ALG12: variants seen among roughly 807,000 people sequenced by gnomAD.
The protein encoded by ALG12 is dol-P-Man:Man(7)GlcNAc(2)-PP-Dol alpha-1,6-mannosyltransferase.
Under a neutral mutation model 46.0 loss-of-function variants are expected in ALG12, and 36 were observed. The observed-to-expected ratio is 0.78, with a 90% CI of 0.60 to 1.03. ALG12 has a LOEUF of 1.03. ALG12 is among the 50% of genes least tolerant of loss of function. The pLI is 0.00. For missense variants in ALG12, 599 were observed against 633.5 expected, an observed-to-expected ratio of 0.95 and a Z score of 0.58; for synonymous variants, 326 against 291.6, an observed-to-expected ratio of 1.12 and a Z score of -1.20.
chr22:49,890,873 T>A, the ALG12 span, among the ~76,000 whole-genome samples: 7 of 152,022 alleles, frequency 4.6e-5, no homozygotes, highest in Non-Finnish European at 8.8e-5. Context: ...TACAAAAAAT[T>A]AGCTGGGCGT....
Position 49,900,821 on chromosome 22 carries a change from A to G in ALG12, c.*3017T>C, listed in dbSNP as rs6520064. On this transcript the variant is annotated 3_prime_UTR_variant, in exon 10 of 10. Coordinates refer to ENST00000330817, the MANE Select transcript of ALG12 (RefSeq NM_024105.4). ...ACACATATTACATATGTACGTGTGC[A>G]ACTGCACGCAGCATGCCTGTCCTCC... 0.36 allele frequency: 54,176 copies of G among 151,948 alleles called. 13,770 individuals are homozygous for G. The highest frequency in any genetic ancestry group is 0.73 in the African/African-American group (30,034 of 41,292). The allele number at this position is 151,948 out of a possible 1,614,324, so 9.4% of individuals were successfully genotyped here. A position where few individuals can be genotyped will look rare whatever the true frequency, so the allele number is the denominator to read the frequency against.
the ALG12 span, chr22:49,887,371 T>A: frequency 2.0e-6 from 1 of 505,888 alleles, no homozygotes; most frequent in East Asian, 3.0e-5. Flanking sequence ...GCGGGGTGTT[T>A]TATTAAGACG....
At chr22:49,908,741 C>T (rs139702490) in intron 6 of ALG12, among the ~76,000 whole-genome samples, 1,590 of 136,386 alleles carry the variant, frequency 0.012, 177 homozygotes, top group South Asian at 0.091. Flanking sequence ...CACCTGAGTT[C>T]AAGAGTTCAA....
At chr22:49,885,228 C>G in the ALG12 span, 1 of 1,612,796 alleles carries the variant, frequency 6.2e-7, no homozygotes, top group Non-Finnish European at 8.5e-7. Context: ...GTCTGGCAAA[C>G]TCTCCGTATG....
At chr22:49,865,388 G>C in the ALG12 span, among the ~76,000 whole-genome samples, 3 of 152,006 alleles carry the variant, frequency 2.0e-5, no homozygotes, top group Admixed American at 2.0e-4. Flanking sequence ...AGTGGCTCAC[G>C]CCTCTAATCC....
the ALG12 span, among the ~76,000 whole-genome samples, chr22:49,865,904 G>A: frequency 1.3e-5 from 2 of 150,664 alleles, no homozygotes; most frequent in Non-Finnish European, 3.0e-5. Flanking sequence ...AGAGCTGGGG[G>A]TCTCACTATA....
chr22:49,911,662 G>A (rs544932984), intron 3 of ALG12, among the ~76,000 whole-genome samples: 1 of 152,268 alleles, frequency 6.6e-6, no homozygotes, highest in African/African-American at 2.4e-5. Flanking sequence ...TCAAACTCCT[G>A]ACCTCAGGTG....
chr22:49,862,353 CCG>C, the ALG12 span, among the ~76,000 whole-genome samples: 1 of 152,250 alleles, frequency 6.6e-6, no homozygotes, highest in African/African-American at 2.4e-5. Flanking sequence ...AAGTCTCTCA[CCG>C]TGGCCTGCAA....
intron 6 of ALG12, among the ~76,000 whole-genome samples, chr22:49,908,782 C>T (rs112796939): frequency 0.12 from 14,580 of 123,454 alleles, 1,751 homozygotes; most frequent in South Asian, 0.28. Context: ...TAAAACCCCA[C>T]CTCTACTAAA....
downstream of ALG12, among the ~76,000 whole-genome samples, chr22:49,899,797 TATC>T (rs1202843977): frequency 6.6e-6 from 1 of 151,816 alleles, no homozygotes; most frequent in Non-Finnish European, 1.5e-5. Flanking sequence ...AACTGTGGCT[TATC>T]ATGTGGTAGA....
chr22:49,899,349 G>A (rs574596662), downstream of ALG12, among the ~76,000 whole-genome samples: 13 of 152,014 alleles, frequency 8.6e-5, no homozygotes, highest in East Asian at 2.1e-3. Context: ...ATGGTGGTGT[G>A]CACCTGTAGT....
intron 1 of ALG12, 68 bp from the exon 2 acceptor site, chr22:49,913,911 G>T: frequency 9.8e-7 from 1 of 1,018,478 alleles, no homozygotes; most frequent in Non-Finnish European, 1.5e-6. Context: ...GGAGATCCGG[G>T]TAAAGGGTTA....
chr22:49,881,604 C>T, the ALG12 span, among the ~76,000 whole-genome samples: 1 of 152,212 alleles, frequency 6.6e-6, no homozygotes, highest in Non-Finnish European at 1.5e-5. Context: ...CTTCAAACTC[C>T]TGCCCTCAAG....
At chr22:49,861,942 A>G in the ALG12 span, among the ~76,000 whole-genome samples, 1 of 152,146 alleles carries the variant, frequency 6.6e-6, no homozygotes, top group African/African-American at 2.4e-5. Context: ...GAGTGCTTCC[A>G]AGTTCCCCCG....
intron 5 of ALG12, 130 bp downstream of exon 5, chr22:49,909,764 T>TGTTTTC: frequency 7.6e-7 from 1 of 1,323,312 alleles, no homozygotes; most frequent in Non-Finnish European, 1.1e-6. Flanking sequence ...AGGATTGAAA[T>TGTTTTC]GTTTTCAACA....
chr22:49,865,252 G>A, the ALG12 span, among the ~76,000 whole-genome samples: 1 of 152,060 alleles, frequency 6.6e-6, no homozygotes, highest in Non-Finnish European at 1.5e-5. Context: ...AACAGAAAAG[G>A]CACAGTAAAC....
chr22:49,892,441 C>T, the ALG12 span, among the ~76,000 whole-genome samples: 1 of 152,196 alleles, frequency 6.6e-6, no homozygotes, highest in African/African-American at 2.4e-5. Context: ...GGCCAGGATG[C>T]CAGGAGCCTC....
In ALG12 at chr22:49,913,698, A is replaced by G. The variant is rs534700632; in HGVS notation, c.68T>C (p.Val23Ala). 1 of 1,613,754 alleles carries G rather than the reference A, an allele frequency of 6.2e-7. No homozygotes were observed. The highest frequency in any genetic ancestry group is 1.1e-5 in the South Asian group (1 of 91,078). The change falls in exon 2 of 10, where the codon GTC becomes GCC. Residue 23 changes from valine (V) to alanine (A), a missense_variant. Val to Ala is a moderately conservative substitution (Grantham distance 64, BLOSUM62 0). Transcript: ENST00000330817. ...LLGLLVAVAT[V>A]HLVICPYTKV... Reference sequence around the variant, plus strand: ...GGTGTAGGGACAGATGACCAGGTGGACAGTGGCTACGGCCACCAGCAGCCC... The same window carrying G: ...GGTGTAGGGACAGATGACCAGGTGGGCAGTGGCTACGGCCACCAGCAGCCC...
intron 1 of ALG12, among the ~76,000 whole-genome samples, chr22:49,917,356 A>G (rs990479604): frequency 6.6e-6 from 1 of 152,202 alleles, no homozygotes; most frequent in African/African-American, 2.4e-5. Flanking sequence ...ATCAATCCAG[A>G]TTTTAAGGCC....
Sources: gnomAD v4.1 joint callset for allele counts (sites outside exome capture counted in the v4.1 genomes callset) on GRCh38, gnomAD v4.1.1 for gene constraint, MANE v1.5 for transcripts, NCBI Gene and HGNC (gene_info 2026-07-23, HGNC 2026-07-21) for gene names.